Variants in KDM7A observed in about 807,000 individuals in gnomAD.
KDM7A encodes the protein lysine demethylase 7A.
KDM7A carries 28 observed loss-of-function variants against 114.8 expected under a neutral mutation model. The observed-to-expected ratio is 0.24, with a 90% confidence interval of 0.18 to 0.33. The LOEUF is 0.33. KDM7A is among the 10% of genes least tolerant of loss of function. KDM7A has a pLI of 1.00. For synonymous variants in KDM7A, 423 were observed against 397.8 expected, an observed-to-expected ratio of 1.06 and a Z score of -0.75; for missense variants, 942 against 1,142.5, an observed-to-expected ratio of 0.82 and a Z score of 2.53.
intron 11 of KDM7A, among the ~76,000 whole-genome samples, chr7:140,104,969 G>A (rs1818304676): frequency 6.6e-6 from 1 of 152,140 alleles, no homozygotes; most frequent in Non-Finnish European, 1.5e-5. Flanking sequence ...ATTTTGTTGA[G>A]CAGTGGTTTG....
chr7:140,111,211 A>C, intron 10 of KDM7A, 27 bp from the exon 11 acceptor site: 1 of 1,447,452 alleles, frequency 6.9e-7, no homozygotes, highest in Non-Finnish European at 9.6e-7. Context: ...AAAAATAAGA[A>C]AACCAAAGTT....
rs529760049 is a variant in KDM7A at position 140,120,568 on chromosome 7, A to G, written c.1052-39T>C. ...AAATATATAAACCAGTCATTTTTCA[A>G]TATGTAAACTAAACCAATAGGATAT... On this transcript the variant is annotated intron_variant, in intron 7 of 19. Coordinates refer to ENST00000397560, the MANE Select transcript of KDM7A (RefSeq NM_030647.2). 30 of 1,186,128 alleles carry G rather than the reference A, an allele frequency of 2.5e-5. No individual in the cohort carries two copies. In the African/African-American group the frequency reaches 3.1e-4, roughly 12 times the overall value. The allele number at this position is 1,186,128 out of a possible 1,614,324, so 73.5% of individuals were successfully genotyped here.
intron 11 of KDM7A, among the ~76,000 whole-genome samples, chr7:140,110,741 C>T (rs1031862537): frequency 1.1e-4 from 16 of 152,304 alleles, no homozygotes; most frequent in African/African-American, 3.6e-4. Context: ...ACTCATTCAC[C>T]TTACATTTCT....
rs183679504 is a variant in KDM7A, at chr7:140,086,895, G to C, written c.*4199C>G. The C allele has an allele frequency of 6.6e-6, 1 of 151,916 alleles. No homozygotes were observed. The highest frequency in any genetic ancestry group is 1.5e-5 in the Non-Finnish European group (1 of 67,988). 9.4% of individuals were successfully genotyped at this position (151,916 alleles called of 1,614,324 possible). A position where few individuals can be genotyped will look rare whatever the true frequency, so the allele number is the denominator to read the frequency against. On this transcript the variant is annotated 3_prime_UTR_variant, in exon 20 of 20. Coordinates refer to ENST00000397560, the MANE Select transcript of KDM7A (RefSeq NM_030647.2). ...GAGCTCTAGCTTCTCTTTATGTGGC[G>C]AGCAATTAACAATATTTAATGAGAA...
intron 11 of KDM7A, among the ~76,000 whole-genome samples, chr7:140,109,075 C>T (rs1818390743): frequency 1.3e-5 from 2 of 152,166 alleles, no homozygotes; most frequent in African/African-American, 4.8e-5. Flanking sequence ...GGAGCCAGCG[C>T]AGGATATAAC....
chr7:140,173,787 ATCAC>A (rs1449468506), intron 1 of KDM7A, among the ~76,000 whole-genome samples: 1 of 152,196 alleles, frequency 6.6e-6, no homozygotes, highest in African/African-American at 2.4e-5. Flanking sequence ...CCGAAAAACG[ATCAC>A]TCATTTTATG....
rs1484962893 is a variant in KDM7A at position 140,088,754 on chromosome 7, A to C, written c.*2340T>G. 2.7e-6 allele frequency: 1 copy of C among 372,414 alleles called. No homozygotes were observed. The highest frequency in any genetic ancestry group is 4.8e-6 in the Non-Finnish European group (1 of 210,034). 23.1% of individuals were successfully genotyped at this position (372,414 alleles called of 1,614,324 possible). A position where few individuals can be genotyped will look rare whatever the true frequency, so the allele number is the denominator to read the frequency against. On this transcript the variant is annotated 3_prime_UTR_variant, in exon 20 of 20. Coordinates refer to ENST00000397560, the MANE Select transcript of KDM7A (RefSeq NM_030647.2). ...CTAAAACTACTAAAAATGAATCCAC[A>C]GTACCTTCACTTTAGAATTCCACAC...
At chr7:140,114,892 CGG>C (rs1818495082) in intron 9 of KDM7A, among the ~76,000 whole-genome samples, 6 of 111,372 alleles carry the variant, frequency 5.4e-5, no homozygotes, top group Non-Finnish European at 4.0e-5. Context: ...CCCCTCCGCC[CGG>C]AAGCCGCCCC....
chr7:140,125,105 A>G (rs1416606206), intron 6 of KDM7A, among the ~76,000 whole-genome samples: 1 of 152,202 alleles, frequency 6.6e-6, no homozygotes, highest in Non-Finnish European at 1.5e-5. Flanking sequence ...ATATGTGTTG[A>G]CAGGCCCACA....
At position 140,153,897 on chromosome 7, in the gene KDM7A, A is replaced by ATT. The variant is rs144844038; in HGVS notation, c.195-14709_195-14708dup. Among the ~76,000 whole-genome samples the ATT allele has an allele frequency of 4.3e-3, 652 of 152,108 alleles. 8 individuals are homozygous for ATT. The highest frequency in any genetic ancestry group is 0.014 in the African/African-American group (593 of 41,478). ...GGCCACTTCCCACTTTCGATTATCT[A>ATT]TTTTGCTAATAGGTCATGTAAGTTT... On this transcript the variant is annotated intron_variant, in intron 1 of 19. Coordinates refer to ENST00000397560, the MANE Select transcript of KDM7A (RefSeq NM_030647.2).
At chr7:140,133,742 A>C (rs1191503785) in intron 2 of KDM7A, 86 bp from the exon 3 acceptor site, 1 of 727,882 alleles carries the variant, frequency 1.4e-6, no homozygotes, top group African/African-American at 1.8e-5. Flanking sequence ...ACATAATCAG[A>C]AATAACAATT....
intron 18 of KDM7A, among the ~76,000 whole-genome samples, chr7:140,093,118 G>A (rs898064686): frequency 2.0e-5 from 3 of 152,146 alleles, no homozygotes; most frequent in African/African-American, 2.4e-5. Flanking sequence ...AGAGATTAAT[G>A]ATGTTCCATA....
At chr7:140,114,891 CCGGAAGCCGCCCCG>C (rs1818495010) in intron 9 of KDM7A, among the ~76,000 whole-genome samples, 3 of 111,600 alleles carry the variant, frequency 2.7e-5, no homozygotes, top group Admixed American at 8.6e-5. Context: ...GCCCCTCCGC[CCGGAAGCCGCCCCG>C]TCTGAGAAGT....
At chr7:140,171,595 G>A (rs1428780741) in intron 1 of KDM7A, among the ~76,000 whole-genome samples, 1 of 121,748 alleles carries the variant, frequency 8.2e-6, no homozygotes, top group African/African-American at 3.2e-5. Context: ...TTATATAGTT[G>A]TATTTATATA....
chr7:140,127,635 G>C, intron 4 of KDM7A, 52 bp from the exon 5 acceptor site: 1 of 1,441,070 alleles, frequency 6.9e-7, no homozygotes, highest in Non-Finnish European at 9.7e-7. Context: ...TACATCAGCA[G>C]ATGCTCTAAT....
intron 1 of KDM7A, among the ~76,000 whole-genome samples, chr7:140,162,837 C>T (rs962555985): frequency 6.6e-6 from 1 of 152,064 alleles, no homozygotes; most frequent in African/African-American, 2.4e-5. Flanking sequence ...ACTCAAGAAT[C>T]CATCAAGAGA....
intron 1 of KDM7A, among the ~76,000 whole-genome samples, chr7:140,143,599 A>G (rs749568937): frequency 1.3e-5 from 2 of 152,246 alleles, no homozygotes; most frequent in African/African-American, 2.4e-5. Context: ...TATTAATCTA[A>G]TAACTACAAC....
At chr7:140,135,444 G>A (rs766714272) in intron 2 of KDM7A, among the ~76,000 whole-genome samples, 5 of 151,926 alleles carry the variant, frequency 3.3e-5, no homozygotes, top group Admixed American at 6.6e-5. Flanking sequence ...CTTGTGATCC[G>A]CCCACCTTGG....
intron 12 of KDM7A, among the ~76,000 whole-genome samples, 175 bp downstream of exon 12, chr7:140,101,776 A>G (rs535903001): frequency 5.2e-4 from 79 of 152,202 alleles, no homozygotes; most frequent in African/African-American, 1.6e-3. Context: ...TCTACACTAA[A>G]ACTTAGAAAG....
Sources: gnomAD v4.1 joint callset for allele counts (sites outside exome capture counted in the v4.1 genomes callset) on GRCh38, gnomAD v4.1.1 for gene constraint, MANE v1.5 for transcripts, NCBI Gene and HGNC (gene_info 2026-07-23, HGNC 2026-07-21) for gene names.